The following PRUNE2 variants were observed in gnomAD, a reference collection of about 807,000 sequenced individuals.
PRUNE2 encodes the protein protein prune homolog 2.
PRUNE2 carries 164 observed loss-of-function variants against 252.0 expected under a neutral mutation model. The observed-to-expected ratio is 0.65, with a 90% CI of 0.57 to 0.74. The LOEUF is 0.74. Among genes scored for constraint, PRUNE2 ranks in the 30% least tolerant of loss-of-function variants. The pLI is 0.00. For missense variants in PRUNE2, 3,495 were observed against 3,711.0 expected, an observed-to-expected ratio of 0.94 and a Z score of 1.51; for synonymous variants, 1,292 against 1,350.2, an observed-to-expected ratio of 0.96 and a Z score of 0.94.
intron 17 of PRUNE2, among the ~76,000 whole-genome samples, chr9:76,622,720 C>T (rs1466641499): frequency 1.3e-5 from 2 of 152,184 alleles, no homozygotes; most frequent in Admixed American, 1.3e-4. Context: ...TAGTATTTTC[C>T]TTACTTCCAC....
At chr9:76,697,169 T>C (rs1302003888) in intron 9 of PRUNE2, among the ~76,000 whole-genome samples, 2 of 152,144 alleles carry the variant, frequency 1.3e-5, no homozygotes, top group Non-Finnish European at 1.5e-5. Context: ...CCACTAGTTG[T>C]GATGTTTCAA....
intron 6 of PRUNE2, among the ~76,000 whole-genome samples, chr9:76,717,906 T>C (rs942751769): frequency 1.3e-5 from 2 of 152,172 alleles, no homozygotes; most frequent in African/African-American, 2.4e-5. Flanking sequence ...ACGTGTCTTG[T>C]TGTCTGAGTA....
At position 76,823,624 on chromosome 9, in the gene PRUNE2, AC is replaced by A. The variant is rs775079938; in HGVS notation, c.756+7del. ...CAATCAATGCTAAAAAAGCATTCCC[AC>A]CCTTACCTCAAGGTTCATGCTCACA... is the stretch of plus-strand genomic sequence containing the variant. On this transcript the variant is annotated splice_region_variant and intron_variant, in intron 6 of 18. Transcript: ENST00000376718. The A allele has an allele frequency of 8.4e-6, 13 of 1,547,312 alleles. No individual in the cohort carries two copies. In the East Asian group the frequency reaches 2.9e-4, roughly 35 times the overall value.
intron 9 of PRUNE2, among the ~76,000 whole-genome samples, chr9:76,667,436 C>T (rs1456324449): frequency 1.3e-5 from 2 of 152,172 alleles, no homozygotes; most frequent in African/African-American, 4.8e-5. Flanking sequence ...CATCTGCAGC[C>T]CCCATTTCAC....
chr9:76,799,097 T>C (rs191839363), intron 6 of PRUNE2, among the ~76,000 whole-genome samples: 58 of 152,286 alleles, frequency 3.8e-4, no homozygotes, highest in African/African-American at 1.2e-3. Context: ...TCCCAGCACT[T>C]TGGGAGGCCG....
chr9:76,806,975 C>T (rs995664488), intron 6 of PRUNE2, among the ~76,000 whole-genome samples: 2 of 151,868 alleles, frequency 1.3e-5, no homozygotes, highest in African/African-American at 4.8e-5. Context: ...AGAGCGAAGA[C>T]TCCAACCCAA....
chr9:76,701,958 T>C (rs1046105815), intron 9 of PRUNE2, among the ~76,000 whole-genome samples: 5 of 152,116 alleles, frequency 3.3e-5, no homozygotes, highest in Non-Finnish European at 7.4e-5. Context: ...TAATCAGTCA[T>C]GGTAGAGGCA....
intron 6 of PRUNE2, among the ~76,000 whole-genome samples, chr9:76,762,093 T>C (rs1465980380): frequency 6.6e-6 from 1 of 152,208 alleles, no homozygotes; most frequent in African/African-American, 2.4e-5. Context: ...TCTGAAATCA[T>C]TTTTAAGGTT....
At chr9:76,640,005 T>C (rs1841889457) in intron 12 of PRUNE2, among the ~76,000 whole-genome samples, 1 of 152,268 alleles carries the variant, frequency 6.6e-6, no homozygotes, top group Non-Finnish European at 1.5e-5. Flanking sequence ...TGGAATGTCA[T>C]GCATCTTTCA....
At chr9:76,827,820 T>G (rs2058434782) in intron 4 of PRUNE2, among the ~76,000 whole-genome samples, 1 of 152,198 alleles carries the variant, frequency 6.6e-6, no homozygotes, top group Non-Finnish European at 1.5e-5. Context: ...TTTCCCATTT[T>G]TAAAACAGGA....
At position 76,799,934 on chromosome 9, in the gene PRUNE2, G is replaced by A. The variant is rs975343990; in HGVS notation, c.756+23698C>T. Among the ~76,000 whole-genome samples the A allele has an allele frequency of 3.9e-5, 6 of 152,170 alleles. No individual in the cohort carries two copies. The East Asian group carries it at 7.7e-4, about 20-fold the overall frequency. The stretch of plus-strand genomic sequence containing the variant: ...GATAGAAAAAGAGGCTGTGAGACCC[G>A]CTGCTCAAATGCCTGTTTTCTAGAA... On this transcript the variant is annotated intron_variant, in intron 6 of 18. Transcript: ENST00000376718.
At chr9:76,805,903 T>A (rs2056901067) in intron 6 of PRUNE2, among the ~76,000 whole-genome samples, 1 of 152,210 alleles carries the variant, frequency 6.6e-6, no homozygotes, top group Non-Finnish European at 1.5e-5. Context: ...CTTCATCACC[T>A]ATAAAATAGA....
intron 9 of PRUNE2, among the ~76,000 whole-genome samples, chr9:76,689,644 A>G (rs1056171485): frequency 6.6e-6 from 1 of 152,034 alleles, no homozygotes; most frequent in African/African-American, 2.4e-5. Context: ...CAGCCATGAG[A>G]TACCGCACCA....
At chr9:76,894,716 G>GAAAAAAAAAAAAAAAAAAAAAA (rs1170899729) in intron 1 of PRUNE2, among the ~76,000 whole-genome samples, 2 of 110,712 alleles carry the variant, frequency 1.8e-5, no homozygotes, top group African/African-American at 8.9e-5. Context: ...ATTTTCTGCA[G>GAAAAAAAAAAAAAAAAAAAAAA]CAAAAAAAAA....
intron 6 of PRUNE2, chr9:76,784,804 T>G (rs1341814497): frequency 1.3e-5 from 2 of 152,414 alleles, no homozygotes; most frequent in South Asian, 2.1e-4. Context: ...CGGAGTGAAT[T>G]ATCTAATCAA....
chr9:76,741,645 C>T lies in PRUNE2; in HGVS notation c.757-27924G>A, dbSNP rs552064595. ...CACAAACTTCCTGCTTACCATCAAA[C>T]GCCTCCATTTATCAAAACACCTCAG... On this transcript the variant is annotated intron_variant, in intron 6 of 18. Coordinates refer to ENST00000376718, the MANE Select transcript of PRUNE2 (RefSeq NM_015225.3). Among the ~76,000 whole-genome samples, 25 of 152,316 alleles carry T rather than the reference C, an allele frequency of 1.6e-4. 3 individuals are homozygous for T. The South Asian group carries it at 3.5e-3, about 21-fold the overall frequency.
chr9:76,823,996 G>A (rs1377511180), intron 5 of PRUNE2, among the ~76,000 whole-genome samples: 1 of 152,146 alleles, frequency 6.6e-6, no homozygotes, highest in Non-Finnish European at 1.5e-5. Context: ...TGGGCTGGGT[G>A]AGAAAGTGAA....
At chr9:76,637,305 T>G in intron 14 of PRUNE2, 113 bp downstream of exon 14, 5 of 1,024,156 alleles carry the variant, frequency 4.9e-6, no homozygotes, top group Non-Finnish European at 7.2e-6. Flanking sequence ...TTGATCTTAT[T>G]GAGACTTGGT....
chr9:76,772,046 T>C (rs960637483), intron 6 of PRUNE2, among the ~76,000 whole-genome samples: 1 of 152,182 alleles, frequency 6.6e-6, no homozygotes, highest in Admixed American at 6.5e-5. Context: ...CCACACAAAC[T>C]ACCTTTTAAC....
Sources: gnomAD v4.1 joint callset for allele counts (sites outside exome capture counted in the v4.1 genomes callset) on GRCh38, gnomAD v4.1.1 for gene constraint, MANE v1.5 for transcripts, NCBI Gene and HGNC (gene_info 2026-07-23, HGNC 2026-07-21) for gene names.